Variants in SPTLC3 observed in about 807,000 individuals in gnomAD.
The protein encoded by SPTLC3 is serine palmitoyltransferase 3.
In SPTLC3, 36 loss-of-function variants were observed where a neutral mutation model predicts 59.3. The ratio of observed to expected loss-of-function variants is 0.61; its 90% CI spans 0.47 to 0.80. The LOEUF (loss-of-function observed/expected upper bound fraction) is 0.80. Ranked by LOEUF, SPTLC3 falls within the 30% of genes least tolerant of loss-of-function variation. The pLI is 0.00. For missense variants in SPTLC3, 625 were observed against 685.1 expected (o/e 0.91, Z 0.98); for synonymous variants, 257 against 240.8 (o/e 1.07, Z -0.62).
chr20:13,155,180 C>T (rs1363171595), intron 10 of SPTLC3, among the ~76,000 whole-genome samples: 1 of 150,676 alleles, frequency 6.6e-6, no homozygotes, highest in Non-Finnish European at 1.5e-5. Flanking sequence ...AGAATGAGAC[C>T]CTGTCAAAAA....
Position 13,078,563 on chromosome 20 carries a change from T to C in SPTLC3, c.607+4066T>C, listed in dbSNP as rs188204372. 1.8e-3 allele frequency among the ~76,000 whole-genome samples: 274 copies of C among 152,316 alleles called. 1 individual carries two copies. The highest frequency in any genetic ancestry group is 2.1e-3 in the South Asian group (10 of 4,826). Reference sequence around the variant, plus strand: ...CAAGAAAAAGATGAAGATGCCTGTTTTACTATCATTTTTAACAAGCTTTGC... The same window carrying C: ...CAAGAAAAAGATGAAGATGCCTGTTCTACTATCATTTTTAACAAGCTTTGC... On this transcript the variant is annotated intron_variant, in intron 4 of 11. Transcript: ENST00000399002.
intron 7 of SPTLC3, among the ~76,000 whole-genome samples, chr20:13,114,517 T>C (rs1254457217): frequency 1.3e-5 from 2 of 152,210 alleles, no homozygotes; most frequent in East Asian, 1.9e-4. Flanking sequence ...CTAAAACAAA[T>C]ACATATATAA....
chr20:13,093,664 AAGGT>A, intron 6 of SPTLC3, 87 bp downstream of exon 6: 1 of 1,253,344 alleles, frequency 8.0e-7, no homozygotes, highest in Non-Finnish European at 1.1e-6. Context: ...TCTGCTCTTC[AAGGT>A]GACAACGTAG....
intron 4 of SPTLC3, among the ~76,000 whole-genome samples, chr20:13,088,987 T>G (rs1271811326): frequency 1.3e-5 from 2 of 152,134 alleles, no homozygotes; most frequent in Non-Finnish European, 2.9e-5. Flanking sequence ...AATTCTAGTT[T>G]GAAAAGCAAG....
At chr20:13,045,065 C>T (rs1057275360) in intron 1 of SPTLC3, among the ~76,000 whole-genome samples, 3 of 151,658 alleles carry the variant, frequency 2.0e-5, no homozygotes, top group African/African-American at 7.3e-5. Flanking sequence ...CTGGGGAAAA[C>T]ATACTGTATT....
chr20:13,083,506 G>A (rs923011326), intron 4 of SPTLC3, among the ~76,000 whole-genome samples: 1 of 152,106 alleles, frequency 6.6e-6, no homozygotes, highest in East Asian at 1.9e-4. Context: ...TACAGAAGGA[G>A]TAATGAAATC....
chr20:13,084,020 G>A (rs1218706417), intron 4 of SPTLC3, among the ~76,000 whole-genome samples: 1 of 152,168 alleles, frequency 6.6e-6, no homozygotes, highest in African/African-American at 2.4e-5. Context: ...ACCATCAAGA[G>A]ATATGAATGG....
chr20:13,108,605 C>T (rs911068198), intron 6 of SPTLC3, among the ~76,000 whole-genome samples: 4 of 152,106 alleles, frequency 2.6e-5, no homozygotes, highest in African/African-American at 9.7e-5. Context: ...GACAGAGTCT[C>T]GTTCTGTCAC....
chr20:13,014,833 A>G (rs1042480539), intron 1 of SPTLC3, among the ~76,000 whole-genome samples: 1 of 152,048 alleles, frequency 6.6e-6, no homozygotes, highest in African/African-American at 2.4e-5. Flanking sequence ...TCCGGTCCAT[A>G]ATCAGTTGAG....
chr20:13,068,151 G>A (rs575330873), intron 2 of SPTLC3, among the ~76,000 whole-genome samples: 19 of 152,136 alleles, frequency 1.2e-4, no homozygotes, highest in East Asian at 3.9e-4. Context: ...ATAAATTATC[G>A]TACAAATATA....
chr20:13,151,816 C>G (rs1483236717), intron 9 of SPTLC3, among the ~76,000 whole-genome samples: 1 of 152,112 alleles, frequency 6.6e-6, no homozygotes, highest in East Asian at 1.9e-4. Context: ...TTGTCTACAC[C>G]TGGTTCACCT....
chr20:13,076,393 T>C (rs1029230738), intron 4 of SPTLC3, among the ~76,000 whole-genome samples: 3 of 152,104 alleles, frequency 2.0e-5, no homozygotes, highest in African/African-American at 7.2e-5. Context: ...ACAATGAAAA[T>C]TGGAAAGCTA....
chr20:13,044,370 G>A (rs547070915), intron 1 of SPTLC3, among the ~76,000 whole-genome samples: 51 of 152,200 alleles, frequency 3.4e-4, no homozygotes, highest in Admixed American at 3.1e-3. Flanking sequence ...CCAAAGTGCT[G>A]GGATTACAGG....
chr20:13,024,586 G>T (rs1986058169), intron 1 of SPTLC3, among the ~76,000 whole-genome samples: 2 of 152,230 alleles, frequency 1.3e-5, no homozygotes, highest in East Asian at 3.9e-4. Flanking sequence ...CATTCAATGA[G>T]TTTTGACCTG....
rs1225684794 is a variant in SPTLC3, at chr20:13,067,148, A to G, written c.304-5108A>G. On this transcript the variant is annotated intron_variant, in intron 2 of 11. Transcript: ENST00000399002. ...TGAGTGACTGTAGAAGTGGAACAGG[A>G]TGAGTTTTCCAGGGCCAGTAGATTG... Among the ~76,000 whole-genome samples, 2 of 87,474 alleles carry G rather than the reference A, an allele frequency of 2.3e-5. 1 individual carries two copies. The highest frequency in any genetic ancestry group is 5.0e-5 in the Non-Finnish European group (2 of 40,206). 57.4% of individuals were successfully genotyped at this position (87,474 alleles called of 152,430 possible).
At chr20:13,101,801 T>A (rs1989609957) in intron 6 of SPTLC3, among the ~76,000 whole-genome samples, 1 of 152,186 alleles carries the variant, frequency 6.6e-6, no homozygotes, top group African/African-American at 2.4e-5. Context: ...CCTGAGATCC[T>A]GCATTCTGAC....
chr20:13,061,560 A>C (rs1242137744), intron 2 of SPTLC3, among the ~76,000 whole-genome samples: 1 of 152,098 alleles, frequency 6.6e-6, no homozygotes, highest in African/African-American at 2.4e-5. Context: ...TTTCCCCTCC[A>C]AACCTGTTCT....
intron 4 of SPTLC3, among the ~76,000 whole-genome samples, chr20:13,075,727 A>G (rs1988623402): frequency 6.6e-6 from 1 of 152,146 alleles, no homozygotes; most frequent in Non-Finnish European, 1.5e-5. Context: ...CCCAGCCATA[A>G]GGAGCACAGA....
chr20:13,099,876 C>A (rs1000269445), intron 6 of SPTLC3, among the ~76,000 whole-genome samples: 1 of 152,220 alleles, frequency 6.6e-6, no homozygotes, highest in African/African-American at 2.4e-5. Context: ...ATGACACACA[C>A]AACCAGTCCA....
Sources: gnomAD v4.1 joint callset for allele counts (sites outside exome capture counted in the v4.1 genomes callset) on GRCh38, gnomAD v4.1.1 for gene constraint, MANE v1.5 for transcripts, NCBI Gene and HGNC (gene_info 2026-07-23, HGNC 2026-07-21) for gene names.